MCTP2: variants seen among roughly 807,000 people sequenced by gnomAD.
MCTP2 encodes the protein multiple C2 and transmembrane domain-containing protein 2.
In MCTP2, 132 loss-of-function variants were observed where a neutral mutation model predicts 111.6. That is an observed-to-expected ratio of 1.18 (90% CI 1.03 to 1.37). The LOEUF (loss-of-function observed/expected upper bound fraction) is 1.37, where lower values mean the gene tolerates loss of function less well. Ranked by LOEUF, MCTP2 falls within the 40% of genes most tolerant of loss-of-function variation. The pLI is 0.00. For synonymous variants in MCTP2, 395 were observed against 387.7 expected, an observed-to-expected ratio of 1.02 and a Z score of -0.22; for missense variants, 1,183 against 1,067.9, an observed-to-expected ratio of 1.11 and a Z score of -1.50.
intron 4 of MCTP2, among the ~76,000 whole-genome samples, chr15:94,317,411 G>A (rs558704198): frequency 6.6e-6 from 1 of 152,236 alleles, no homozygotes; most frequent in East Asian, 1.9e-4. Context: ...ATTCCTCCTG[G>A]TTATCACCTG....
intron 1 of MCTP2, among the ~76,000 whole-genome samples, chr15:94,242,027 G>A (rs78562579): frequency 2.0e-5 from 3 of 152,246 alleles, no homozygotes; most frequent in South Asian, 2.1e-4. Context: ...GAGAGAAAAG[G>A]TTCCAAATTA....
intron 1 of MCTP2, among the ~76,000 whole-genome samples, chr15:94,237,440 A>ATTT (rs34291691): frequency 6.8e-6 from 1 of 146,150 alleles, no homozygotes; most frequent in Admixed American, 6.8e-5. Context: ...CTAAACTCGG[A>ATTT]TTTTTTTTTT....
intron 2 of MCTP2, among the ~76,000 whole-genome samples, chr15:94,299,725 A>G (rs985824380): frequency 2.6e-5 from 4 of 152,208 alleles, no homozygotes; most frequent in African/African-American, 9.6e-5. Flanking sequence ...GTTCCAGGTT[A>G]GTGTTACAAT....
chr15:94,296,660 T>TC (rs1391793741), intron 1 of MCTP2, among the ~76,000 whole-genome samples: 4 of 152,230 alleles, frequency 2.6e-5, no homozygotes, highest in South Asian at 2.1e-4. Flanking sequence ...CACTGTGCTT[T>TC]CTACTTTGTG....
At chr15:94,436,560 G>A (rs72751344) in intron 17 of MCTP2, among the ~76,000 whole-genome samples, 21,203 of 152,004 alleles carry the variant, frequency 0.14, 1,549 homozygotes, top group East Asian at 0.25. Context: ...AATTTTTGTT[G>A]TAAAACATTT....
At chr15:94,414,228 A>G (rs1596634056) in intron 17 of MCTP2, among the ~76,000 whole-genome samples, 1 of 152,132 alleles carries the variant, frequency 6.6e-6, no homozygotes, top group African/African-American at 2.4e-5. Flanking sequence ...CAAACCAGTA[A>G]TGTCTTATAT....
Position 94,315,547 on chromosome 15 carries a change from G to T in MCTP2, c.547G>T (p.Asp183Tyr). 4 of 1,613,828 alleles carry T rather than the reference G, an allele frequency of 2.5e-6. No individual in the cohort carries two copies. Among genetic ancestry groups the T allele is most frequent in the Non-Finnish European group, 3.4e-6 (4 of 1,179,774 alleles). The change falls in exon 4 of 23, where the codon GAT becomes TAT. Residue 183 changes from aspartate (D) to tyrosine (Y), a missense_variant. Transcript: ENST00000357742. Reference sequence around the variant, plus strand: ...TGTGCAGGTACCGGGGGAAGCCAGTGATGGCTTGAGTAACCTCCCCAGCCC... The same window carrying T: ...TGTGCAGGTACCGGGGGAAGCCAGTTATGGCTTGAGTAACCTCCCCAGCCC... ...EEQSVPGEASDGLSNLPSPFA... is the reference protein window; with the variant it reads ...EEQSVPGEASYGLSNLPSPFA...
At chr15:94,464,240 A>ATATATATATATATATATAT (rs2085394658) in intron 20 of MCTP2, among the ~76,000 whole-genome samples, 2 of 62,666 alleles carry the variant, frequency 3.2e-5, no homozygotes, top group African/African-American at 1.3e-4. Flanking sequence ...TATATATATA[A>ATATATATATATATATATAT]TATATATATA....
chr15:94,456,999 GA>G (rs1221587691), intron 19 of MCTP2, among the ~76,000 whole-genome samples: 1 of 152,204 alleles, frequency 6.6e-6, no homozygotes, highest in Non-Finnish European at 1.5e-5. Flanking sequence ...GATACAAGAG[GA>G]AAATGATTTT....
chr15:94,475,463 A>C (rs912583706), intron 21 of MCTP2, among the ~76,000 whole-genome samples: 2 of 152,202 alleles, frequency 1.3e-5, no homozygotes, highest in African/African-American at 4.8e-5. Context: ...AAGCAAAATA[A>C]TACTTAATGA....
At chr15:94,448,934 G>A (rs1269220715) in intron 19 of MCTP2, among the ~76,000 whole-genome samples, 1 of 152,146 alleles carries the variant, frequency 6.6e-6, no homozygotes, top group African/African-American at 2.4e-5. Flanking sequence ...CCAGCTACTC[G>A]GGAGGCTGAG....
At chr15:94,279,441 G>A (rs2074370861) in intron 1 of MCTP2, among the ~76,000 whole-genome samples, 2 of 148,756 alleles carry the variant, frequency 1.3e-5, no homozygotes, top group Admixed American at 1.3e-4. Context: ...TTATAGAAAT[G>A]TTACTGATTT....
chr15:94,247,149 G>A (rs189046355), intron 1 of MCTP2, among the ~76,000 whole-genome samples: 13 of 152,304 alleles, frequency 8.5e-5, no homozygotes, highest in African/African-American at 3.1e-4. Context: ...GTGTGCGTGT[G>A]TGTGCGCGTG....
intron 1 of MCTP2, among the ~76,000 whole-genome samples, chr15:94,288,173 T>C (rs2074851759): frequency 6.6e-6 from 1 of 151,724 alleles, no homozygotes; most frequent in South Asian, 2.1e-4. Flanking sequence ...TAAATCTCTC[T>C]GTGTCTTCCC....
At position 94,367,825 on chromosome 15, in the gene MCTP2, C is replaced by T. The variant is rs765551438; in HGVS notation, c.1488+34C>T. On this transcript the variant is annotated intron_variant, in intron 11 of 22. Transcript: ENST00000357742. ...TTTTCCTTATTGTACACTCCCCCTC[C>T]TCCCACCTTCTCTTTTAAAACAAAG... is the stretch of plus-strand genomic sequence containing the variant. The T allele has an allele frequency of 2.6e-6, 4 of 1,525,610 alleles. No individual in the cohort carries two copies. The South Asian group carries it at 4.9e-5, about 19-fold the overall frequency. 94.5% of individuals were successfully genotyped at this position (1,525,610 alleles called of 1,614,324 possible).
At chr15:94,460,984 C>A (rs2085166192) in intron 20 of MCTP2, among the ~76,000 whole-genome samples, 1 of 150,616 alleles carries the variant, frequency 6.6e-6, no homozygotes, top group South Asian at 2.1e-4. Flanking sequence ...TACAGAAATA[C>A]ATAAAACTCT....
chr15:94,400,032 A>G, intron 16 of MCTP2, 37 bp downstream of exon 16: 3 of 1,568,998 alleles, frequency 1.9e-6, no homozygotes, highest in Non-Finnish European at 2.6e-6. Context: ...TGATTGGTAC[A>G]CTCAGCACCC....
intron 2 of MCTP2, among the ~76,000 whole-genome samples, chr15:94,301,771 G>A (rs1405489160): frequency 1.3e-5 from 2 of 151,316 alleles, no homozygotes; most frequent in African/African-American, 2.4e-5. Flanking sequence ...AGAGGTTTAG[G>A]CAGGTGTAAA....
chr15:94,454,100 ATT>A (rs1458419181), intron 19 of MCTP2, among the ~76,000 whole-genome samples: 2 of 152,100 alleles, frequency 1.3e-5, no homozygotes, highest in Non-Finnish European at 1.5e-5. Flanking sequence ...TTGTGAAATT[ATT>A]TTCATTTTTT....
Sources: gnomAD v4.1 joint callset for allele counts (sites outside exome capture counted in the v4.1 genomes callset) on GRCh38, gnomAD v4.1.1 for gene constraint, MANE v1.5 for transcripts, NCBI Gene and HGNC (gene_info 2026-07-23, HGNC 2026-07-21) for gene names.